The following PRICKLE1 variants were observed in gnomAD, a reference collection of about 807,000 sequenced individuals.
PRICKLE1 encodes the protein prickle planar cell polarity protein 1.
PRICKLE1 carries 14 observed loss-of-function variants against 70.2 expected under a neutral mutation model. The observed-to-expected ratio is 0.20, with a 90% CI of 0.13 to 0.31. The LOEUF (loss-of-function observed/expected upper bound fraction) is 0.31, where lower values mean the gene tolerates loss of function less well. PRICKLE1 is among the 10% of genes least tolerant of loss of function. PRICKLE1 has a pLI of 1.00. For missense variants in PRICKLE1, 821 were observed against 1,026.2 expected (o/e 0.80, Z 2.73); for synonymous variants, 357 against 379.9 (o/e 0.94, Z 0.70).
intron 1 of PRICKLE1, among the ~76,000 whole-genome samples, chr12:42,502,400 T>C (rs1939331573): frequency 6.6e-6 from 1 of 151,908 alleles, no homozygotes; most frequent in South Asian, 2.1e-4. Flanking sequence ...CTCAAACTCC[T>C]GGGCTCAAGC....
At chr12:42,579,643 A>G (rs1940865136) in intron 1 of PRICKLE1, among the ~76,000 whole-genome samples, 1 of 152,222 alleles carries the variant, frequency 6.6e-6, no homozygotes, top group African/African-American at 2.4e-5. Flanking sequence ...TATGGTAGGA[A>G]GAAGGTGCTA....
chr12:42,518,103 A>AT (rs11404993), intron 1 of PRICKLE1, among the ~76,000 whole-genome samples: 48,986 of 147,278 alleles, frequency 0.33, 9,551 homozygotes, highest in East Asian at 0.51. Context: ...GTTTCTGAGG[A>AT]TTTTTTTTTT....
At chr12:42,497,052 C>T (rs558860078) in intron 1 of PRICKLE1, among the ~76,000 whole-genome samples, 8 of 152,326 alleles carry the variant, frequency 5.3e-5, no homozygotes, top group African/African-American at 1.7e-4. Flanking sequence ...ACATGTCTTA[C>T]TCACTAAGCT....
At chr12:42,559,642 G>T (rs907982831) in intron 1 of PRICKLE1, among the ~76,000 whole-genome samples, 9 of 121,000 alleles carry the variant, frequency 7.4e-5, no homozygotes, top group African/African-American at 2.1e-4. Flanking sequence ...TTTTTGGGGG[G>T]GGTAGAGATG....
Position 42,457,288 on chromosome 12 carries a change from G to GAA in PRICKLE1, c.*2519_*2520dup, listed in dbSNP as rs1937628782. The GAA allele has an allele frequency of 6.6e-6, 1 of 151,790 alleles. No individual in the cohort carries two copies. The highest frequency in any genetic ancestry group is 2.4e-5 in the African/African-American group (1 of 41,282). The allele number at this position is 151,790 out of a possible 1,614,324, so 9.4% of individuals were successfully genotyped here. A position where few individuals can be genotyped will look rare whatever the true frequency, so the allele number is the denominator to read the frequency against. ...ACCCCTATCTTTTGAGAATGTACTT[G>GAA]AAAAGTGAGGGCAGTACCTTCACCT... On this transcript the variant is annotated 3_prime_UTR_variant, in exon 8 of 8. Transcript: ENST00000345127.
intron 1 of PRICKLE1, among the ~76,000 whole-genome samples, chr12:42,489,568 G>A (rs1404651563): frequency 2.1e-5 from 3 of 145,048 alleles, no homozygotes. Flanking sequence ...GCAGAGGCAG[G>A]AGAATGGATT....
At chr12:42,579,042 C>T (rs187457429) in intron 1 of PRICKLE1, among the ~76,000 whole-genome samples, 17 of 152,300 alleles carry the variant, frequency 1.1e-4, no homozygotes, top group African/African-American at 3.9e-4. Flanking sequence ...GGATTATAGG[C>T]TTCAGCCACT....
chr12:42,532,870 C>T lies in PRICKLE1; in HGVS notation c.-49+56595G>A, dbSNP rs565466616. On this transcript the variant is annotated intron_variant, in intron 1 of 7. Transcript: ENST00000345127. ...CGAGATCGTGTCACTGCACTCCAGCCTGGGCGAGAGTGAGACTCCGTCTCA... is the reference window on the plus strand; with the variant it reads ...CGAGATCGTGTCACTGCACTCCAGCTTGGGCGAGAGTGAGACTCCGTCTCA... 2.5e-3 allele frequency among the ~76,000 whole-genome samples: 359 copies of T among 143,198 alleles called. 2 individuals are homozygous for T. The highest frequency in any genetic ancestry group is 4.0e-3 in the Middle Eastern group (1 of 252). 93.9% of individuals were successfully genotyped at this position (143,198 alleles called of 152,430 possible). A position where few individuals can be genotyped will look rare whatever the true frequency, so the allele number is the denominator to read the frequency against.
chr12:42,552,973 G>A (rs7300141), intron 1 of PRICKLE1, among the ~76,000 whole-genome samples: 66,784 of 151,664 alleles, frequency 0.44, 15,648 homozygotes, highest in East Asian at 0.64. Flanking sequence ...TAATGCTGCA[G>A]CTGATCTGAC....
chr12:42,508,531 A>G lies in PRICKLE1; in HGVS notation c.-48-35967T>C, dbSNP rs528254436. On this transcript the variant is annotated intron_variant, in intron 1 of 7. Coordinates refer to ENST00000345127, the MANE Select transcript of PRICKLE1 (RefSeq NM_153026.3). Reference sequence around the variant, plus strand: ...GTATATAACATACACCAAATTAGAAATGTAAAATTCATCAACAGGACTCAT... The same window carrying G: ...GTATATAACATACACCAAATTAGAAGTGTAAAATTCATCAACAGGACTCAT... 5.3e-5 allele frequency among the ~76,000 whole-genome samples: 8 copies of G among 152,352 alleles called. No individual in the cohort carries two copies. In the South Asian group the frequency reaches 1.7e-3, roughly 32 times the overall value.
chr12:42,496,439 T>C (rs1939202366), intron 1 of PRICKLE1, among the ~76,000 whole-genome samples: 1 of 152,310 alleles, frequency 6.6e-6, no homozygotes, highest in East Asian at 1.9e-4. Flanking sequence ...CAGTGAGCAA[T>C]GGCTTTAACT....
chr12:42,574,160 C>A (rs113462669), intron 1 of PRICKLE1, among the ~76,000 whole-genome samples: 3 of 152,076 alleles, frequency 2.0e-5, no homozygotes, highest in Admixed American at 1.3e-4. Flanking sequence ...TTCTTGGGGA[C>A]GTGCAATATT....
chr12:42,522,664 G>T (rs1234268985), intron 1 of PRICKLE1, among the ~76,000 whole-genome samples: 1 of 152,154 alleles, frequency 6.6e-6, no homozygotes, highest in Non-Finnish European at 1.5e-5. Context: ...AGTATCCTAT[G>T]TGGCACTTTG....
At chr12:42,584,002 T>C (rs1370873306) in intron 1 of PRICKLE1, among the ~76,000 whole-genome samples, 1 of 152,214 alleles carries the variant, frequency 6.6e-6, no homozygotes, top group Non-Finnish European at 1.5e-5. Flanking sequence ...AAGTCAAATA[T>C]ATCTAGTAGC....
chr12:42,509,428 G>T (rs1939473525), intron 1 of PRICKLE1, among the ~76,000 whole-genome samples: 1 of 152,108 alleles, frequency 6.6e-6, no homozygotes, highest in Non-Finnish European at 1.5e-5. Flanking sequence ...AGTTCCAAGG[G>T]TCTTTCCATA....
In PRICKLE1 at chr12:42,472,493, C is replaced by G; in HGVS notation, c.24G>C (p.Lys8Asn). The G allele has an allele frequency of 6.2e-7, 1 of 1,614,204 alleles. No homozygotes were observed. The highest frequency in any genetic ancestry group is 1.7e-5 in the Admixed American group (1 of 60,022). Residue 8 changes from lysine to asparagine, a missense_variant, in exon 2 of 8, where the codon AAG becomes AAC. Physicochemically the swap from Lys to Asn is moderately conservative, Grantham distance 94. Transcript: ENST00000345127. MPLEMEP[K>N]MSKLAFGCQR... ...GACAGCCAAAGGCCAGTTTGCTCATCTTGGGCTCCATCTCCAAAGGCATAA... is the reference window on the plus strand; with the variant it reads ...GACAGCCAAAGGCCAGTTTGCTCATGTTGGGCTCCATCTCCAAAGGCATAA...
At chr12:42,499,891 C>G (rs1356848459) in intron 1 of PRICKLE1, among the ~76,000 whole-genome samples, 1 of 151,658 alleles carries the variant, frequency 6.6e-6, no homozygotes, top group African/African-American at 2.4e-5. Flanking sequence ...CCATGCCTGG[C>G]TAATTTTTGT....
chr12:42,528,807 CAT>C (rs1184754983), intron 1 of PRICKLE1, among the ~76,000 whole-genome samples: 4 of 152,304 alleles, frequency 2.6e-5, no homozygotes, highest in African/African-American at 9.6e-5. Flanking sequence ...ACATATATAA[CAT>C]GTATGTGTAA....
intron 1 of PRICKLE1, among the ~76,000 whole-genome samples, chr12:42,527,210 G>A (rs1178961912): frequency 1.5e-5 from 2 of 132,862 alleles, no homozygotes; most frequent in African/African-American, 5.9e-5. Flanking sequence ...TCGGCTCACT[G>A]CAATCTCTGC....
Sources: gnomAD v4.1 joint callset for allele counts (sites outside exome capture counted in the v4.1 genomes callset) on GRCh38, gnomAD v4.1.1 for gene constraint, MANE v1.5 for transcripts, NCBI Gene and HGNC (gene_info 2026-07-23, HGNC 2026-07-21) for gene names.